The following PTPRN2 variants were observed in gnomAD, a reference collection of about 807,000 sequenced individuals.
PTPRN2 encodes the protein protein tyrosine phosphatase receptor type N2, also known as receptor-type tyrosine-protein phosphatase N2.
PTPRN2 carries 74 observed loss-of-function variants against 118.8 expected under a neutral mutation model. The ratio of observed to expected loss-of-function variants is 0.62; its 90% confidence interval spans 0.52 to 0.76. PTPRN2 has a LOEUF of 0.76. Among genes scored for constraint, PTPRN2 ranks in the 30% least tolerant of loss-of-function variants. The pLI, the probability that PTPRN2 is intolerant of heterozygous loss-of-function variation, is 0.00. For missense variants in PTPRN2, 1,481 were observed against 1,394.4 expected (o/e 1.06, Z -0.99); for synonymous variants, 641 against 608.0 (o/e 1.05, Z -0.80).
At position 157,591,773 on chromosome 7, in the gene PTPRN2, T is replaced by G. The variant is rs1800997478; in HGVS notation, c.2496+3465A>C. On this transcript the variant is annotated intron_variant, in intron 17 of 22. Coordinates refer to ENST00000389418, the MANE Select transcript of PTPRN2 (RefSeq NM_002847.5). The surrounding 1 kb of genome is among the most constrained non-coding windows in gnomAD (Gnocchi z 4.4). ...AAATGTGACTGTGCTAGGAAGCAAC[T>G]CTCCTCCATCCTGCTCTGTGTGGAT... 1.3e-5 allele frequency among the ~76,000 whole-genome samples: 2 copies of G among 152,210 alleles called. No individual in the cohort carries two copies. The highest frequency in any genetic ancestry group is 2.1e-4 in the South Asian group (1 of 4,828).
At position 157,785,748 on chromosome 7, in the gene PTPRN2, G is replaced by C. The variant is rs932741037; in HGVS notation, c.1789-102811C>G. On this transcript the variant is annotated intron_variant, in intron 12 of 22. Transcript: ENST00000389418. The surrounding 1 kb of genome is among the most constrained non-coding windows in gnomAD (Gnocchi z 7.3). ...AGCATGGCGGGAGGGGAGAAGAATC[G>C]CGATCCTTTCCAGGTACACAGTCTA... Among the ~76,000 whole-genome samples, 1 of 152,144 alleles carries C rather than the reference G, an allele frequency of 6.6e-6. No homozygotes were observed. The highest frequency in any genetic ancestry group is 1.5e-5 in the Non-Finnish European group (1 of 68,014).
intron 13 of PTPRN2, among the ~76,000 whole-genome samples, chr7:157,665,376 A>G (rs1796086377): frequency 6.6e-6 from 1 of 152,258 alleles, no homozygotes. Flanking sequence ...GTAATTAAAT[A>G]TGAATGAAGA....
At chr7:157,565,920 G>A (rs1440141784) in intron 21 of PTPRN2, among the ~76,000 whole-genome samples, 2 of 152,320 alleles carry the variant, frequency 1.3e-5, no homozygotes, top group East Asian at 1.9e-4. Context: ...TCCCAGATTG[G>A]TGCCTACTTT....
At chr7:158,176,111 CCT>C (rs1824182272) in intron 5 of PTPRN2, among the ~76,000 whole-genome samples, 4 of 152,186 alleles carry the variant, frequency 2.6e-5, no homozygotes, top group Non-Finnish European at 5.9e-5. Context: ...TCTTCTGGCT[CCT>C]GTTTGCGTTT....
At chr7:158,272,262 C>T (rs1363557213) in intron 3 of PTPRN2, among the ~76,000 whole-genome samples, 4 of 152,166 alleles carry the variant, frequency 2.6e-5, no homozygotes, top group Admixed American at 6.5e-5. Flanking sequence ...GCCGCGTCTC[C>T]GGGGCCCGGG....
At chr7:158,121,696 CACA>C (rs1408584999) in intron 9 of PTPRN2, among the ~76,000 whole-genome samples, 3 of 152,320 alleles carry the variant, frequency 2.0e-5, no homozygotes, top group East Asian at 1.9e-4. Context: ...ACACCCTGAA[CACA>C]ACAAGGAAGT....
At chr7:158,025,361 G>T (rs1336053707) in intron 11 of PTPRN2, among the ~76,000 whole-genome samples, 3 of 152,148 alleles carry the variant, frequency 2.0e-5, no homozygotes. Flanking sequence ...CAACTGGATG[G>T]GTGTTTGTTC....
intron 5 of PTPRN2, 21 bp downstream of exon 5, chr7:158,192,306 G>GGGA: frequency 6.9e-7 from 1 of 1,450,562 alleles, no homozygotes; most frequent in East Asian, 2.8e-5. Context: ...CCCCGGCCCG[G>GGGA]GGAGGAAGTG....
intron 5 of PTPRN2, among the ~76,000 whole-genome samples, chr7:158,175,115 G>A (rs1216211859): frequency 1.3e-5 from 2 of 152,188 alleles, no homozygotes; most frequent in Non-Finnish European, 2.9e-5. Context: ...CTATTCTCCT[G>A]CACCGAGGAT....
At position 158,525,469 on chromosome 7, in the gene PTPRN2, G is replaced by A. The variant is rs913155613; in HGVS notation, c.113-35684C>T. The stretch of plus-strand genomic sequence containing the variant: ...AGTGGGACCAAGGCTGAGCCGCTCC[G>A]CACCCCTCGCTCTACAGCTGGACAC... On this transcript the variant is annotated intron_variant, in intron 1 of 22. Coordinates refer to ENST00000389418, the MANE Select transcript of PTPRN2 (RefSeq NM_002847.5). This position sits in a 1 kb window ranked among gnomAD's most constrained non-coding sequence, Gnocchi z 4.1. Among the ~76,000 whole-genome samples, 16 of 152,124 alleles carry A rather than the reference G, an allele frequency of 1.1e-4. No individual in the cohort carries two copies. The highest frequency in any genetic ancestry group is 2.9e-4 in the African/African-American group (12 of 41,440).
chr7:157,798,246 G>T (rs557688189), intron 12 of PTPRN2, among the ~76,000 whole-genome samples: 1 of 152,142 alleles, frequency 6.6e-6, no homozygotes, highest in African/African-American at 2.4e-5. Context: ...GTGACAGAGC[G>T]AGACTCAGTC....
intron 12 of PTPRN2, among the ~76,000 whole-genome samples, chr7:157,838,410 G>A (rs1808139803): frequency 7.1e-6 from 1 of 141,614 alleles, no homozygotes; most frequent in Non-Finnish European, 1.5e-5. Flanking sequence ...CTCTCATAGT[G>A]GATGGCACGG....
At chr7:158,245,232 A>T (rs897152879) in intron 3 of PTPRN2, among the ~76,000 whole-genome samples, 3 of 148,998 alleles carry the variant, frequency 2.0e-5, no homozygotes, top group African/African-American at 7.4e-5. Flanking sequence ...ACCCATGGCC[A>T]TGCCGGAATC....
intron 3 of PTPRN2, among the ~76,000 whole-genome samples, chr7:158,270,992 C>T (rs1387445251): frequency 9.3e-6 from 1 of 107,312 alleles, no homozygotes. Flanking sequence ...CCACCTGGGC[C>T]TCCCCATCCA....
At position 157,594,775 on chromosome 7, in the gene PTPRN2, G is replaced by A. The variant is rs977974716; in HGVS notation, c.2496+463C>T. Among the ~76,000 whole-genome samples the A allele has an allele frequency of 2.6e-5, 4 of 152,182 alleles. No homozygotes were observed. In the East Asian group the frequency reaches 7.7e-4, roughly 29 times the overall value. On this transcript the variant is annotated intron_variant, in intron 17 of 22. Transcript: ENST00000389418. ...GTTTGACATTCACGTCAGCCCTCAC[G>A]TCTGTGCCTTCATCTGTGTGACCTG...
chr7:158,075,782 T>A (rs1228017953), intron 11 of PTPRN2, among the ~76,000 whole-genome samples: 1 of 152,174 alleles, frequency 6.6e-6, no homozygotes, highest in African/African-American at 2.4e-5. Context: ...ATCGTCAACC[T>A]CATGGCTGCG....
intron 1 of PTPRN2, chr7:158,541,348 G>A (rs1446137534): frequency 9.3e-7 from 1 of 1,077,122 alleles, no homozygotes; most frequent in Non-Finnish European, 1.3e-6. Context: ...CCTGTCCTGA[G>A]CCCTACAAAC....
intron 6 of PTPRN2, among the ~76,000 whole-genome samples, chr7:158,141,117 G>C (rs569071566): frequency 6.6e-6 from 1 of 152,152 alleles, no homozygotes; most frequent in Non-Finnish European, 1.5e-5. Flanking sequence ...GACAGGTCCC[G>C]CCGCAACCTT....
rs145173183 is a variant in PTPRN2, at chr7:157,987,370, A to G, written c.1724-88633T>C. Among the ~76,000 whole-genome samples, 345 of 151,350 alleles carry G rather than the reference A, an allele frequency of 2.3e-3. No individual in the cohort carries two copies. Among genetic ancestry groups the G allele is most frequent in the African/African-American group, 7.8e-3 (323 of 41,196 alleles). On this transcript the variant is annotated intron_variant, in intron 11 of 22. Transcript: ENST00000389418. The surrounding 1 kb of genome is among the most constrained non-coding windows in gnomAD (Gnocchi z 4.3). The stretch of plus-strand genomic sequence containing the variant: ...ATGACCAGTCACTAGTGGGGGTGAG[A>G]CAACCGGTCACTAACGGGGGCAATA...
Sources: allele counts gnomAD v4.1 joint callset (sites outside exome capture counted in the v4.1 genomes callset), GRCh38; gene constraint gnomAD v4.1.1; non-coding constraint Gnocchi (gnomAD v3.1); transcripts MANE v1.5; gene names NCBI Gene and HGNC (gene_info 2026-07-23, HGNC 2026-07-21).